Variants in CADPS2 observed in about 807,000 individuals in gnomAD.
CADPS2 encodes the protein calcium-dependent secretion activator 2.
A neutral mutation model predicts 172.5 loss-of-function variants in CADPS2; 93 were observed. The ratio of observed to expected loss-of-function variants is 0.54; its 90% CI spans 0.46 to 0.64. CADPS2 has a LOEUF of 0.64. Among genes scored for constraint, CADPS2 ranks in the 30% least tolerant of loss-of-function variants. The probability of loss-of-function intolerance (pLI) is 0.00; values close to 1 mark genes in which losing one functional copy is unlikely to be tolerated. For synonymous variants in CADPS2, 546 were observed against 555.2 expected, an observed-to-expected ratio of 0.98 and a Z score of 0.23; for missense variants, 1,420 against 1,565.9, an observed-to-expected ratio of 0.91 and a Z score of 1.57.
At chr7:122,534,475 C>T (rs1431833925) in intron 8 of CADPS2, among the ~76,000 whole-genome samples, 2 of 152,048 alleles carry the variant, frequency 1.3e-5, no homozygotes, top group Non-Finnish European at 2.9e-5. Flanking sequence ...ACTACAAAGT[C>T]ACAGGCTTAA....
intron 1 of CADPS2, among the ~76,000 whole-genome samples, chr7:122,739,670 A>G (rs1249635335): frequency 6.6e-6 from 1 of 152,214 alleles, no homozygotes; most frequent in Non-Finnish European, 1.5e-5. Flanking sequence ...TGACAATTAC[A>G]TACAAAAAGC....
chr7:122,574,141 T>TAAA (rs952977868), intron 7 of CADPS2, among the ~76,000 whole-genome samples: 3 of 151,118 alleles, frequency 2.0e-5, no homozygotes, highest in Non-Finnish European at 4.4e-5. Flanking sequence ...ACTCATGTTT[T>TAAA]AAAAAAAAAT....
In CADPS2 at chr7:122,886,277, C is replaced by A. The variant is rs1397831908; in HGVS notation, c.61G>T (p.Asp21Tyr). The stretch of plus-strand genomic sequence containing the variant: ...GAGCTGCCGGCTGCCACCAGCACAT[C>A]GCGGCTTTCCTCTTCCAGCCCCTCG... The part of the protein sequence containing the change: ...SDEGLEEESR[D>Y]VLVAAGSSQR... The change falls in exon 1 of 30, where the codon GAT (aspartate) becomes TAT (tyrosine). Residue 21 changes from aspartate to tyrosine, a missense_variant. Coordinates refer to ENST00000449022, the MANE Select transcript of CADPS2 (RefSeq NM_017954.11). 7 of 1,505,298 alleles carry A rather than the reference C, an allele frequency of 4.7e-6. No individual in the cohort carries two copies. In the Admixed American group the frequency reaches 1.1e-4, roughly 23 times the overall value. 93.2% of individuals were successfully genotyped at this position (1,505,298 alleles called of 1,614,324 possible). A position where few individuals can be genotyped will look rare whatever the true frequency, so the allele number is the denominator to read the frequency against.
At chr7:122,722,698 C>A in intron 2 of CADPS2, among the ~76,000 whole-genome samples, 1 of 89,948 alleles carries the variant, frequency 1.1e-5, no homozygotes, top group Non-Finnish European at 2.2e-5. Context: ...TCATATGGAA[C>A]CAAAAAAGAG....
At chr7:122,710,985 T>A (rs2088613024) in intron 2 of CADPS2, among the ~76,000 whole-genome samples, 1 of 152,152 alleles carries the variant, frequency 6.6e-6, no homozygotes, top group Non-Finnish European at 1.5e-5. Context: ...GTACTTTCTC[T>A]TCAAAATATT....
intron 28 of CADPS2, among the ~76,000 whole-genome samples, chr7:122,345,078 T>G (rs979707474): frequency 1.3e-5 from 2 of 151,850 alleles, no homozygotes; most frequent in Admixed American, 1.3e-4. Context: ...CACCAACAAA[T>G]ATACCTTTGA....
chr7:122,830,167 A>G (rs376625299), intron 1 of CADPS2, among the ~76,000 whole-genome samples: 3 of 152,196 alleles, frequency 2.0e-5, no homozygotes, highest in South Asian at 2.1e-4. Context: ...TCTGTCTCCA[A>G]GGTCTCTGGA....
intron 25 of CADPS2, among the ~76,000 whole-genome samples, chr7:122,365,101 C>T (rs1473550656): frequency 6.6e-6 from 1 of 152,190 alleles, no homozygotes; most frequent in Non-Finnish European, 1.5e-5. Context: ...TGGCATCTGG[C>T]AGCCTGTTTG....
Position 122,471,465 on chromosome 7 carries a change from A to T in CADPS2, c.2096T>A (p.Leu699Gln). The T allele has an allele frequency of 1.2e-6, 2 of 1,613,540 alleles. No homozygotes were observed. Among genetic ancestry groups the T allele is most frequent in the East Asian group, 4.5e-5 (2 of 44,790 alleles). Residue 699 changes from leucine (L) to glutamine (Q), a missense_variant, in exon 14 of 30, where the codon CTG becomes CAG. Coordinates refer to ENST00000449022, the MANE Select transcript of CADPS2 (RefSeq NM_017954.11). ...AGCACCATTTTCTGAATGTTCCATCAGTTCTGCAAGGTAGCAGAGATGTCT... is the reference window on the plus strand; with the variant it reads ...AGCACCATTTTCTGAATGTTCCATCTGTTCTGCAAGGTAGCAGAGATGTCT... ...CHRHLCYLAE[L>Q]MEHSENGAVI... is the part of the protein sequence containing the mutation.
At chr7:122,445,550 C>T (rs907012066) in intron 15 of CADPS2, among the ~76,000 whole-genome samples, 2 of 152,120 alleles carry the variant, frequency 1.3e-5, no homozygotes, top group Non-Finnish European at 2.9e-5. Flanking sequence ...GGTGTGGTGG[C>T]TCATGCCTGT....
At chr7:122,615,568 A>G (rs916704773) in intron 5 of CADPS2, among the ~76,000 whole-genome samples, 1 of 152,220 alleles carries the variant, frequency 6.6e-6, no homozygotes, top group African/African-American at 2.4e-5. Flanking sequence ...AATATAAGCC[A>G]TAGTGAATTA....
At chr7:122,853,856 T>C (rs1415347032) in intron 1 of CADPS2, among the ~76,000 whole-genome samples, 1 of 152,132 alleles carries the variant, frequency 6.6e-6, no homozygotes, top group Non-Finnish European at 1.5e-5. Flanking sequence ...TAGAGGGGCA[T>C]GTAGTACATG....
At chr7:122,825,525 T>A (rs561365704) in intron 1 of CADPS2, among the ~76,000 whole-genome samples, 2 of 152,254 alleles carry the variant, frequency 1.3e-5, no homozygotes, top group African/African-American at 4.8e-5. Context: ...ATAGAAAGAT[T>A]GACCAAAAGT....
chr7:122,404,114 G>T (rs749846101), intron 20 of CADPS2, among the ~76,000 whole-genome samples: 1 of 151,946 alleles, frequency 6.6e-6, no homozygotes, highest in South Asian at 2.1e-4. Flanking sequence ...TTAACATCAG[G>T]TATATCTCCT....
rs959878700 is a variant in CADPS2, at chr7:122,682,325, C to G, written c.454-18756G>C. On this transcript the variant is annotated intron_variant, in intron 2 of 29. Transcript: ENST00000449022. ...AGAGAAAAGCTTCTACACGTAGCCA[C>G]AAAGTCAAAGAAGATACCAGCTTTC... Among the ~76,000 whole-genome samples the G allele has an allele frequency of 3.9e-5, 6 of 152,150 alleles. No individual in the cohort carries two copies. The East Asian group carries it at 7.7e-4, about 20-fold the overall frequency.
intron 2 of CADPS2, among the ~76,000 whole-genome samples, chr7:122,719,442 A>C (rs983613786): frequency 2.0e-5 from 3 of 152,112 alleles, no homozygotes; most frequent in Admixed American, 1.3e-4. Context: ...CAGAGCTGCC[A>C]CCTTAGTGCA....
chr7:122,723,586 G>A (rs2090734416), intron 2 of CADPS2, among the ~76,000 whole-genome samples: 1 of 152,030 alleles, frequency 6.6e-6, no homozygotes, highest in South Asian at 2.1e-4. Context: ...GGTGGGATGG[G>A]AAACTAGTTC....
In CADPS2 at chr7:122,471,442, C is replaced by T. The variant is rs776432637; in HGVS notation, c.2119G>A (p.Ala707Thr). 4 of 1,613,548 alleles carry T rather than the reference C, an allele frequency of 2.5e-6. No individual in the cohort carries two copies. The highest frequency in any genetic ancestry group is 2.5e-6 in the Non-Finnish European group (3 of 1,179,718). Residue 707 changes from alanine (A) to threonine (T), a missense_variant, in exon 14 of 30, where the codon GCT (alanine) becomes ACT (threonine). Coordinates refer to ENST00000449022, the MANE Select transcript of CADPS2 (RefSeq NM_017954.11). ...AELMEHSENGAVIDPTLLHYS... is the reference protein window; with the variant it reads ...AELMEHSENGTVIDPTLLHYS... Reference sequence around the variant, plus strand: ...TGGAGCAGGGTAGGGTCAATGACAGCACCATTTTCTGAATGTTCCATCAGT... The same window carrying T: ...TGGAGCAGGGTAGGGTCAATGACAGTACCATTTTCTGAATGTTCCATCAGT...
In CADPS2 at chr7:122,747,887, C is replaced by T. The variant is rs758952055; in HGVS notation, c.340-10819G>A. Among the ~76,000 whole-genome samples the T allele has an allele frequency of 7.4e-4, 113 of 152,232 alleles. 2 individuals are homozygous for T. The highest frequency in any genetic ancestry group is 4.9e-4 in the Non-Finnish European group (33 of 68,014). On this transcript the variant is annotated intron_variant, in intron 1 of 29. Transcript: ENST00000449022. ...AGAATACCATAGAACCTAATTAAGA[C>T]GACACCTCCAAGAAATCTCCTTCTT...
Sources: allele counts gnomAD v4.1 joint callset (sites outside exome capture counted in the v4.1 genomes callset), GRCh38; gene constraint gnomAD v4.1.1; transcripts MANE v1.5; gene names NCBI Gene and HGNC (gene_info 2026-07-23, HGNC 2026-07-21).